HYDIN: variants seen among roughly 807,000 people sequenced by gnomAD.
HYDIN encodes axonemal central pair apparatus protein HYDIN.
Under a neutral mutation model 403.9 loss-of-function variants are expected in HYDIN, and 132 were observed. That is an observed-to-expected ratio of 0.33 (90% CI 0.28 to 0.38). The LOEUF (loss-of-function observed/expected upper bound fraction) is 0.38. HYDIN is among the 10% of genes least tolerant of loss of function. The pLI is 1.00. For missense variants in HYDIN, 2,827 were observed against 5,009.5 expected (o/e 0.56, Z 13.15); for synonymous variants, 1,202 against 1,891.7 (o/e 0.64, Z 9.46).
At chr16:70,832,540 G>A (rs564418933) in intron 80 of HYDIN, among the ~76,000 whole-genome samples, 1 of 151,794 alleles carries the variant, frequency 6.6e-6, no homozygotes, top group Non-Finnish European at 1.5e-5. Context: ...ATATACCAAG[G>A]CCATTTTTTT....
chr16:71,102,733 T>A (rs1016612369), intron 10 of HYDIN, among the ~76,000 whole-genome samples: 1 of 151,366 alleles, frequency 6.6e-6, no homozygotes, highest in African/African-American at 2.4e-5. Flanking sequence ...GATGGTTTAG[T>A]CTTTCATGGG....
At chr16:70,994,579 G>T (rs940030229) in intron 23 of HYDIN, among the ~76,000 whole-genome samples, 2 of 147,952 alleles carry the variant, frequency 1.4e-5, no homozygotes, top group South Asian at 4.3e-4. Flanking sequence ...CAAATCTCCC[G>T]GGAAGCTCCT....
intron 12 of HYDIN, among the ~76,000 whole-genome samples, chr16:71,087,313 A>T (rs1442324547): frequency 1.3e-5 from 2 of 152,116 alleles, no homozygotes; most frequent in East Asian, 1.9e-4. Context: ...TGGTGATTGC[A>T]GGGTTATTTT....
chr16:71,221,592 A>G (rs1324693913), intron 1 of HYDIN, among the ~76,000 whole-genome samples: 1 of 152,226 alleles, frequency 6.6e-6, no homozygotes, highest in East Asian at 1.9e-4. Flanking sequence ...AGAACCAGCA[A>G]AAACATCCTG....
chr16:71,230,600 T>C lies in HYDIN; in HGVS notation c.-62A>G. 1 of 1,535,926 alleles carries C rather than the reference T, an allele frequency of 6.5e-7. No homozygotes were observed. The highest frequency in any genetic ancestry group is 8.7e-7 in the Non-Finnish European group (1 of 1,146,820). ...GGGTCCCACGTTTATTCTACCTCCA[T>C]TCCCCGCCAAGACCCCGCGTCCAAC... On this transcript the variant is annotated 5_prime_UTR_variant, in exon 1 of 86. The change abolishes an upstream ATG in the 5' untranslated region. Coordinates refer to ENST00000393567, the MANE Select transcript of HYDIN (RefSeq NM_001270974.2).
intron 23 of HYDIN, among the ~76,000 whole-genome samples, chr16:71,011,596 G>A (rs2080087051): frequency 6.6e-6 from 1 of 151,484 alleles, no homozygotes; most frequent in Non-Finnish European, 1.5e-5. Flanking sequence ...AAATTAGCCA[G>A]GTATAATGGT....
At chr16:71,146,228 C>T (rs2085362692) in intron 7 of HYDIN, among the ~76,000 whole-genome samples, 2 of 151,782 alleles carry the variant, frequency 1.3e-5, no homozygotes, top group South Asian at 2.1e-4. Flanking sequence ...CTTTTTCAAA[C>T]TCCTGATTTA....
chr16:71,181,753 C>T (rs773310805), intron 3 of HYDIN, among the ~76,000 whole-genome samples: 8 of 152,022 alleles, frequency 5.3e-5, no homozygotes, highest in Non-Finnish European at 1.0e-4. Flanking sequence ...ATTGAGTTTC[C>T]AACATGTGCC....
intron 20 of HYDIN, chr16:71,027,114 A>C (rs1265218244): frequency 4.8e-6 from 5 of 1,035,662 alleles, no homozygotes; most frequent in Non-Finnish European, 4.6e-6. Context: ...AGAGTTGCTG[A>C]AGATAAATGT....
chr16:71,198,380 A>T (rs2087811082), intron 1 of HYDIN, among the ~76,000 whole-genome samples: 1 of 152,210 alleles, frequency 6.6e-6, no homozygotes, highest in Non-Finnish European at 1.5e-5. Flanking sequence ...TATCTAGGAA[A>T]GAAACTGCTA....
intron 9 of HYDIN, among the ~76,000 whole-genome samples, chr16:71,123,819 C>A (rs916719081): frequency 2.0e-5 from 3 of 151,278 alleles, no homozygotes; most frequent in Non-Finnish European, 2.9e-5. Flanking sequence ...AATGGGAAAC[C>A]CCTTTCACTT....
rs1597799859 is a variant in HYDIN at position 71,110,426 on chromosome 16, A to G, written c.1327+5270T>C. Among the ~76,000 whole-genome samples the G allele has an allele frequency of 5.1e-4, 71 of 139,354 alleles. 2 individuals carry two copies. The South Asian group carries it at 0.015, about 29-fold the overall frequency. The allele number at this position is 139,354 out of a possible 152,430, so 91.4% of individuals were successfully genotyped here. On this transcript the variant is annotated intron_variant, in intron 10 of 85. Coordinates refer to ENST00000393567, the MANE Select transcript of HYDIN (RefSeq NM_001270974.2). ...TTTATATATAATATATTTATATATA[A>G]TTATAAATATATAAATAATATAATA...
At chr16:71,201,643 C>A (rs1430652751) in intron 1 of HYDIN, among the ~76,000 whole-genome samples, 1 of 152,196 alleles carries the variant, frequency 6.6e-6, no homozygotes, top group African/African-American at 2.4e-5. Flanking sequence ...GTGCTGAAAT[C>A]GGGATTTGAG....
In HYDIN at chr16:70,904,056, G is replaced by A. The variant is rs370802436; in HGVS notation, c.8525C>T (p.Ser2842Leu). 127 of 1,581,884 alleles carry A rather than the reference G, an allele frequency of 8.0e-5. No individual in the cohort carries two copies. The highest frequency in any genetic ancestry group is 1.7e-4 in the Middle Eastern group (1 of 5,972). ...LCGKSRDKYK[S>L]SLFPGNMETL... ...CTCCATGTTGCCTGGGAATAAGGAT[G>A]ACTTGTACCTGGGGATGAACAAGAA... Residue 2842 changes from serine (S) to leucine (L), a missense_variant, in exon 51 of 86, where the codon TCA becomes TTA. Physicochemically the swap from Ser to Leu is moderately radical, Grantham distance 145. Coordinates refer to ENST00000393567, the MANE Select transcript of HYDIN (RefSeq NM_001270974.2).
chr16:70,839,236 A>G (rs2037647675), intron 76 of HYDIN, among the ~76,000 whole-genome samples: 1 of 124,432 alleles, frequency 8.0e-6, no homozygotes, highest in African/African-American at 4.4e-5. Context: ...TCTTATATAG[A>G]TGGTATTATT....
At chr16:71,043,065 T>C (rs2081337243) in intron 18 of HYDIN, among the ~76,000 whole-genome samples, 2 of 151,762 alleles carry the variant, frequency 1.3e-5, no homozygotes, top group Non-Finnish European at 2.9e-5. Context: ...TGTTAGTCTT[T>C]TGGCTAGATG....
chr16:71,214,826 A>T (rs113419759), intron 1 of HYDIN, among the ~76,000 whole-genome samples: 10 of 105,400 alleles, frequency 9.5e-5, no homozygotes, highest in Non-Finnish European at 2.0e-4. Flanking sequence ...AACTGCTTTT[A>T]TTTCCTTCCC....
At chr16:71,171,962 G>C (rs947671047) in intron 5 of HYDIN, among the ~76,000 whole-genome samples, 1 of 152,214 alleles carries the variant, frequency 6.6e-6, no homozygotes, top group Non-Finnish European at 1.5e-5. Flanking sequence ...TAGAACTGGG[G>C]AGGGCGAATT....
rs2035000864 is a variant in HYDIN, at chr16:70,803,953, C to T, written c.*3627G>A. On this transcript the variant is annotated 3_prime_UTR_variant, in exon 86 of 86. Transcript: ENST00000393567. ...ACCCTGACATTTTCTGAACATCCCCCAGTTAGAAGTCTCCTGGTCTGCTTT... is the reference window on the plus strand; with the variant it reads ...ACCCTGACATTTTCTGAACATCCCCTAGTTAGAAGTCTCCTGGTCTGCTTT... 1.3e-5 allele frequency among the ~76,000 whole-genome samples: 2 copies of T among 152,210 alleles called. No individual in the cohort carries two copies.
Sources: allele counts gnomAD v4.1 joint callset (sites outside exome capture counted in the v4.1 genomes callset), GRCh38; gene constraint gnomAD v4.1.1; transcripts MANE v1.5; gene names NCBI Gene and HGNC (gene_info 2026-07-23, HGNC 2026-07-21).